The following HGF variants were observed in gnomAD, a reference collection of about 807,000 sequenced individuals.
The protein encoded by HGF is hepatocyte growth factor.
A neutral mutation model predicts 111.6 loss-of-function variants in HGF; 39 were observed. The ratio of observed to expected loss-of-function variants is 0.35; its 90% CI spans 0.27 to 0.46. The LOEUF (loss-of-function observed/expected upper bound fraction) is 0.46. Ranked by LOEUF, HGF falls within the 20% of genes least tolerant of loss-of-function variation. The pLI is 1.00. For missense variants in HGF, 735 were observed against 910.5 expected (o/e 0.81, Z 2.48); for synonymous variants, 285 against 294.8 (o/e 0.97, Z 0.34).
rs751682480 is a variant in HGF, at chr7:81,752,274, A to T, written c.483-12T>A. 2.5e-6 allele frequency: 4 copies of T among 1,612,518 alleles called. No individual in the cohort carries two copies. In the South Asian group the frequency reaches 3.3e-5, roughly 13 times the overall value. ...TCGAAGGCAAAAAGCTAGTTTTAAA[A>T]TGATAATCATTACAGTATAAGAGCA... On this transcript the variant is annotated splice_polypyrimidine_tract_variant and intron_variant, in intron 4 of 17. Transcript: ENST00000222390.
intron 3 of HGF, 146 bp from the exon 4 acceptor site, chr7:81,757,449 G>C: frequency 1.6e-6 from 1 of 634,632 alleles, no homozygotes; most frequent in Non-Finnish European, 2.8e-6. Context: ...GCTTCTACTA[G>C]TATTTTCAAA....
Position 81,705,421 on chromosome 7 carries a change from C to G in HGF, c.1979G>C (p.Gly660Ala), listed in dbSNP as rs772967560. Residue 660 changes from glycine to alanine, a missense_variant, in exon 17 of 18, where the codon GGG (glycine) becomes GCG (alanine). By Grantham distance (60) the Gly-to-Ala change is moderately conservative. Around this residue, in one of 3 missense-constraint regions of HGF, gnomAD observed 52 missense variants for 95.0 expected, o/e 0.55. Coordinates refer to ENST00000222390, the MANE Select transcript of HGF (RefSeq NM_000601.6). ...TGGTCCTGATCCAATCTTTTCAGCCCCAGCACATATTTCAGACTCATTCAG... is the reference window on the plus strand; with the variant it reads ...TGGTCCTGATCCAATCTTTTCAGCCGCAGCACATATTTCAGACTCATTCAG... ...VTLNESEICAGAEKIGSGPCE... is the reference protein window; with the variant it reads ...VTLNESEICAAAEKIGSGPCE... 1 of 1,612,790 alleles carries G rather than the reference C, an allele frequency of 6.2e-7. No homozygotes were observed. The highest frequency in any genetic ancestry group is 1.3e-5 in the African/African-American group (1 of 74,906).
chr7:81,744,807 T>G (rs1788163486), intron 6 of HGF, among the ~76,000 whole-genome samples, 193 bp downstream of exon 6: 1 of 152,206 alleles, frequency 6.6e-6, no homozygotes, highest in Non-Finnish European at 1.5e-5. Flanking sequence ...TTTTTGCCCT[T>G]AGACTATTTC....
At chr7:81,764,543 A>T (rs1789262200) in intron 1 of HGF, among the ~76,000 whole-genome samples, 1 of 152,146 alleles carries the variant, frequency 6.6e-6, no homozygotes, top group African/African-American at 2.4e-5. Context: ...AATCTTATTG[A>T]CTTGTCAAAT....
At chr7:81,713,478 A>T (rs1269942275) in intron 11 of HGF, among the ~76,000 whole-genome samples, 1 of 151,046 alleles carries the variant, frequency 6.6e-6, no homozygotes, top group Non-Finnish European at 1.5e-5. Context: ...GTGAGCCGAA[A>T]TTGCTCCACT....
intron 7 of HGF, among the ~76,000 whole-genome samples, chr7:81,735,606 A>G (rs1787800546): frequency 6.6e-6 from 1 of 152,120 alleles, no homozygotes; most frequent in Admixed American, 6.6e-5. Flanking sequence ...TTAAAAGACG[A>G]CTATGTTCTT....
chr7:81,723,463 A>G (rs920199925), intron 9 of HGF, among the ~76,000 whole-genome samples: 1 of 152,026 alleles, frequency 6.6e-6, no homozygotes, highest in Non-Finnish European at 1.5e-5. Context: ...TTCTGACTGT[A>G]TATACTCTCA....
chr7:81,720,153 A>G (rs544252754), intron 10 of HGF, among the ~76,000 whole-genome samples: 37 of 152,272 alleles, frequency 2.4e-4, no homozygotes, highest in African/African-American at 8.9e-4. Flanking sequence ...GTAATTCTCT[A>G]AAATTTGTAG....
chr7:81,753,851 A>C (rs1788621620), intron 4 of HGF, among the ~76,000 whole-genome samples: 1 of 152,008 alleles, frequency 6.6e-6, no homozygotes, highest in Admixed American at 6.6e-5. Flanking sequence ...TTATAATGCA[A>C]CTAAAATTCA....
rs202215700 is a variant in HGF at position 81,705,466 on chromosome 7, T to C, written c.1934A>G (p.His645Arg). The change falls in exon 17 of 18, where the codon CAT becomes CGT. Residue 645 changes from histidine (H) to arginine (R), a missense_variant. Physicochemically the swap from His to Arg is conservative, Grantham distance 29 (BLOSUM62 0). Coordinates refer to ENST00000222390, the MANE Select transcript of HGF (RefSeq NM_000601.6). ...YIMGNEKCSQ[H>R]HRGKVTLNES... ...ATTCAGAGTCACCTTCCCTCGATGA[T>C]GCTGGCTGCATTTCTCATTTCCCAT... 94 of 1,612,782 alleles carry C rather than the reference T, an allele frequency of 5.8e-5. No homozygotes were observed. The highest frequency in any genetic ancestry group is 2.2e-4 in the Admixed American group (13 of 59,830).
At chr7:81,734,997 A>G (rs1209510965) in intron 7 of HGF, among the ~76,000 whole-genome samples, 1 of 152,124 alleles carries the variant, frequency 6.6e-6, no homozygotes. Context: ...CTTCCCAGCT[A>G]CTAAAGAGCA....
At chr7:81,715,431 A>G (rs556616335) in intron 11 of HGF, among the ~76,000 whole-genome samples, 118 of 152,236 alleles carry the variant, frequency 7.8e-4, no homozygotes, top group African/African-American at 2.5e-3. Flanking sequence ...GCCTATGCCA[A>G]CCTTAATATG....
At chr7:81,706,522 C>G in intron 14 of HGF, 95 bp from the exon 15 acceptor site, 1 of 1,001,948 alleles carries the variant, frequency 1.0e-6, no homozygotes, top group Non-Finnish European at 1.5e-6. Context: ...TATTAAGGCA[C>G]ATAACCTAAA....
chr7:81,765,677 T>C (rs1206471844), intron 1 of HGF, among the ~76,000 whole-genome samples: 1 of 152,180 alleles, frequency 6.6e-6, no homozygotes, highest in Non-Finnish European at 1.5e-5. Context: ...ATCTATAAAA[T>C]TAATTCCTTA....
At chr7:81,733,652 T>A (rs1787736428) in intron 7 of HGF, among the ~76,000 whole-genome samples, 1 of 152,068 alleles carries the variant, frequency 6.6e-6, no homozygotes. Context: ...ATGTATAGAA[T>A]AAATAATACA....
rs548253338 is a variant in HGF, at chr7:81,717,647, A to G, written c.1272-282T>C. 2.8e-4 allele frequency among the ~76,000 whole-genome samples: 43 copies of G among 152,178 alleles called. 1 individual carries two copies. In the South Asian group the frequency reaches 7.9e-3, roughly 28 times the overall value. ...GCCTCTATTTGGTAATCCCAGTGGC[A>G]TGGTAATGATACTTCTGTGCATAGA... On this transcript the variant is annotated intron_variant, in intron 10 of 17. Coordinates refer to ENST00000222390, the MANE Select transcript of HGF (RefSeq NM_000601.6).
At chr7:81,768,815 C>T (rs1009095536) in intron 1 of HGF, among the ~76,000 whole-genome samples, 7 of 152,088 alleles carry the variant, frequency 4.6e-5, no homozygotes, top group Non-Finnish European at 2.9e-5. Context: ...ATTTTCCAAA[C>T]GGGCCACTTC....
intron 2 of HGF, 57 bp from the exon 3 acceptor site, chr7:81,758,861 G>T: frequency 8.9e-7 from 1 of 1,120,336 alleles, no homozygotes. Context: ...AGTATTTAAA[G>T]AATGGGCATA....
intron 9 of HGF, among the ~76,000 whole-genome samples, chr7:81,723,827 T>C (rs1789937267): frequency 6.6e-6 from 1 of 151,074 alleles, no homozygotes; most frequent in South Asian, 2.1e-4. Flanking sequence ...CACATATAGA[T>C]ATATATACAC....
Sources: allele counts gnomAD v4.1 joint callset (sites outside exome capture counted in the v4.1 genomes callset), GRCh38; gene constraint gnomAD v4.1.1; regional missense constraint gnomAD v4.1.1; transcripts MANE v1.5; gene names NCBI Gene and HGNC (gene_info 2026-07-23, HGNC 2026-07-21).